Variants in CACNA2D3 observed in about 807,000 individuals in gnomAD.
CACNA2D3 encodes the protein calcium voltage-gated channel auxiliary subunit alpha2delta 3, also known as voltage-dependent calcium channel subunit alpha-2/delta-3.
In CACNA2D3, 60 loss-of-function variants were observed where a neutral mutation model predicts 160.6. The observed-to-expected ratio is 0.37, with a 90% confidence interval of 0.30 to 0.46. The LOEUF is 0.46. Among genes scored for constraint, CACNA2D3 ranks in the 20% least tolerant of loss-of-function variants. CACNA2D3 has a pLI of 1.00. For missense variants in CACNA2D3, 1,205 were observed against 1,365.0 expected (o/e 0.88, Z 1.85); for synonymous variants, 558 against 492.9 (o/e 1.13, Z -1.75).
chr3:54,597,739 T>C (rs1702981784), intron 9 of CACNA2D3, among the ~76,000 whole-genome samples: 1 of 152,170 alleles, frequency 6.6e-6, no homozygotes, highest in African/African-American at 2.4e-5. Flanking sequence ...TCCCGAGTTG[T>C]CTAGGGTTTT....
intron 13 of CACNA2D3, among the ~76,000 whole-genome samples, chr3:54,786,556 T>C (rs1046262228): frequency 1.3e-5 from 2 of 152,212 alleles, no homozygotes; most frequent in Non-Finnish European, 2.9e-5. Flanking sequence ...GACTGAATCA[T>C]GCCCAAGTCT....
intron 3 of CACNA2D3, among the ~76,000 whole-genome samples, chr3:54,351,803 C>G (rs537627758): frequency 2.6e-5 from 4 of 152,188 alleles, no homozygotes; most frequent in Non-Finnish European, 5.9e-5. Flanking sequence ...ATTCCTTGCT[C>G]GGCTCTCTTT....
intron 2 of CACNA2D3, among the ~76,000 whole-genome samples, chr3:54,281,402 G>A (rs1297535591): frequency 6.6e-6 from 1 of 152,098 alleles, no homozygotes; most frequent in Non-Finnish European, 1.5e-5. Flanking sequence ...GACCACGTGG[G>A]AGCTAGGTAT....
chr3:54,765,706 T>G (rs1253643802), intron 13 of CACNA2D3, among the ~76,000 whole-genome samples: 2 of 152,168 alleles, frequency 1.3e-5, no homozygotes, highest in Admixed American at 6.5e-5. Context: ...TCATTTTATT[T>G]GTTTCATCAA....
chr3:54,552,331 C>T (rs1443308170), intron 5 of CACNA2D3, among the ~76,000 whole-genome samples: 1 of 152,102 alleles, frequency 6.6e-6, no homozygotes, highest in Non-Finnish European at 1.5e-5. Flanking sequence ...TGAGGGAGCC[C>T]CCTCTTCTAG....
At chr3:55,059,403 G>A (rs1168865061) in intron 35 of CACNA2D3, among the ~76,000 whole-genome samples, 1 of 152,220 alleles carries the variant, frequency 6.6e-6, no homozygotes, top group African/African-American at 2.4e-5. Flanking sequence ...TATTGAAACA[G>A]GAGAGTTATC....
intron 35 of CACNA2D3, among the ~76,000 whole-genome samples, chr3:55,024,316 A>G (rs1703519221): frequency 6.6e-6 from 1 of 151,732 alleles, no homozygotes. Context: ...AATTTAGCGT[A>G]ATGCCTGAAT....
At chr3:54,178,535 C>T (rs547142695) in intron 2 of CACNA2D3, among the ~76,000 whole-genome samples, 12 of 152,258 alleles carry the variant, frequency 7.9e-5, no homozygotes, top group African/African-American at 2.2e-4. Flanking sequence ...AAGAAAAAGG[C>T]GAAGTTGAGT....
Position 54,225,240 on chromosome 3 carries a change from G to T in CACNA2D3, c.205-95202G>T, listed in dbSNP as rs529167819. On this transcript the variant is annotated intron_variant, in intron 2 of 37. Coordinates refer to ENST00000474759, the MANE Select transcript of CACNA2D3 (RefSeq NM_018398.3). The stretch of plus-strand genomic sequence containing the variant: ...GTCCTTGTGATAGTTTGCTGAGAAT[G>T]ATGGTTTCCAGCTTCATCCATGTCC... Among the ~76,000 whole-genome samples, 4 of 152,208 alleles carry T rather than the reference G, an allele frequency of 2.6e-5. No individual in the cohort carries two copies. The South Asian group carries it at 8.3e-4, about 32-fold the overall frequency.
At chr3:54,763,788 T>TACATATATATAC (rs374469206) in intron 12 of CACNA2D3, among the ~76,000 whole-genome samples, 1 of 38,544 alleles carries the variant, frequency 2.6e-5, no homozygotes, top group African/African-American at 9.9e-5. Context: ...TACATATATA[T>TACATATATATAC]GTATATATAT....
intron 35 of CACNA2D3, among the ~76,000 whole-genome samples, chr3:55,052,448 C>T (rs1026898070): frequency 4.9e-5 from 6 of 122,302 alleles, no homozygotes; most frequent in African/African-American, 1.8e-4. Context: ...ATGTATATAC[C>T]TGTGTGTGTA....
intron 11 of CACNA2D3, among the ~76,000 whole-genome samples, chr3:54,661,972 C>G (rs778329640): frequency 6.6e-6 from 1 of 151,604 alleles, no homozygotes; most frequent in Non-Finnish European, 1.5e-5. Context: ...TTCATAGTAC[C>G]TGCTGTTAAT....
intron 6 of CACNA2D3, among the ~76,000 whole-genome samples, chr3:54,563,140 T>C (rs7374733): frequency 0.77 from 117,588 of 152,102 alleles, 46,467 homozygotes; most frequent in African/African-American, 0.93. Flanking sequence ...ATCACAGGAA[T>C]TCTCTGGACC....
At chr3:54,835,424 G>A (rs775769406) in intron 14 of CACNA2D3, among the ~76,000 whole-genome samples, 2 of 152,204 alleles carry the variant, frequency 1.3e-5, no homozygotes, top group Non-Finnish European at 2.9e-5. Flanking sequence ...TGCTACAGGT[G>A]CTGCTGTTCT....
chr3:54,706,475 A>C (rs1332101740), intron 11 of CACNA2D3, among the ~76,000 whole-genome samples: 1 of 152,170 alleles, frequency 6.6e-6, no homozygotes. Context: ...GATGGCTGAC[A>C]TATTAGTAGA....
At chr3:54,705,983 C>G (rs1280402046) in intron 11 of CACNA2D3, among the ~76,000 whole-genome samples, 3 of 152,132 alleles carry the variant, frequency 2.0e-5, no homozygotes, top group Admixed American at 2.0e-4. Context: ...ATGATCTGTT[C>G]CGGCTTCTGT....
chr3:54,987,862 T>C (rs780898717), intron 31 of CACNA2D3, 109 bp downstream of exon 31: 91 of 693,190 alleles, frequency 1.3e-4, no homozygotes, highest in Non-Finnish European at 2.0e-4. Context: ...GGCTGGTTTT[T>C]ACTTGTGTTC....
chr3:54,712,678 T>A (rs1369145543), intron 11 of CACNA2D3, among the ~76,000 whole-genome samples: 1 of 152,234 alleles, frequency 6.6e-6, no homozygotes, highest in African/African-American at 2.4e-5. Flanking sequence ...ATCAGAAGCA[T>A]GTAAACGGAC....
chr3:55,018,411 A>T (rs1703375308), intron 35 of CACNA2D3, 94 bp downstream of exon 35: 1 of 721,984 alleles, frequency 1.4e-6, no homozygotes, highest in East Asian at 2.7e-5. Flanking sequence ...GCACAGTTAC[A>T]CCAATAGAAA....
Sources: allele counts gnomAD v4.1 joint callset (sites outside exome capture counted in the v4.1 genomes callset), GRCh38; gene constraint gnomAD v4.1.1; transcripts MANE v1.5; gene names NCBI Gene and HGNC (gene_info 2026-07-23, HGNC 2026-07-21).